The following EML1 variants were observed in gnomAD, a reference collection of about 807,000 sequenced individuals.
EML1 encodes echinoderm microtubule-associated protein-like 1.
A neutral mutation model predicts 110.4 loss-of-function variants in EML1; 27 were observed. That is an observed-to-expected ratio of 0.24 (90% confidence interval 0.18 to 0.34). The LOEUF is 0.34. Among genes scored for constraint, EML1 ranks in the 10% least tolerant of loss-of-function variants. EML1 has a pLI of 1.00. For missense variants in EML1, 741 were observed against 1,030.9 expected, an observed-to-expected ratio of 0.72 and a Z score of 3.85; for synonymous variants, 344 against 385.8, an observed-to-expected ratio of 0.89 and a Z score of 1.27.
chr14:99,908,095 G>C (rs780746004), intron 10 of EML1, among the ~76,000 whole-genome samples: 1 of 152,232 alleles, frequency 6.6e-6, no homozygotes, highest in Non-Finnish European at 1.5e-5. Context: ...GTGCTCAGGC[G>C]TGAGGTGGGC....
intron 1 of EML1, among the ~76,000 whole-genome samples, chr14:99,846,061 AAAAAG>A (rs2058702592): frequency 6.6e-6 from 1 of 151,082 alleles, no homozygotes; most frequent in Non-Finnish European, 1.5e-5. Flanking sequence ...AAAAAAAAAA[AAAAAG>A]AAAAGAAAAA....
rs542781955 is a variant in EML1 at position 99,755,113 on chromosome 14, C to T, written c.28+17253C>T. Among the ~76,000 whole-genome samples the T allele has an allele frequency of 1.2e-3, 176 of 152,394 alleles. 1 individual carries two copies. The highest frequency in any genetic ancestry group is 2.3e-3 in the Non-Finnish European group (156 of 68,042). ...CAGAAGAAAAGTCAGGCGTTGGTGC[C>T]TTATCTTTCCTGGCAAAGCTGGGGC... On this transcript the variant is annotated intron_variant, in intron 1 of 10. Transcript: ENST00000554479.
At chr14:99,891,531 AG>A (rs1333947142) in intron 5 of EML1, among the ~76,000 whole-genome samples, 3 of 152,240 alleles carry the variant, frequency 2.0e-5, no homozygotes, top group African/African-American at 4.8e-5. Flanking sequence ...CTAGATTAAA[AG>A]GTGTCTGTTG....
At chr14:99,762,195 T>C (rs1280041335) in intron 1 of EML1, among the ~76,000 whole-genome samples, 2 of 152,142 alleles carry the variant, frequency 1.3e-5, no homozygotes, top group Non-Finnish European at 2.9e-5. Flanking sequence ...ACAGGGACAA[T>C]AATAGCACCT....
At position 99,850,905 on chromosome 14, in the gene EML1, A is replaced by G; in HGVS notation, c.120A>G (p.Ser40=). 6.2e-7 allele frequency: 1 copy of G among 1,614,164 alleles called. No individual in the cohort carries two copies. Among genetic ancestry groups the G allele is most frequent in the South Asian group, 1.1e-5 (1 of 91,078 alleles). The part of the protein sequence containing the change: ...SSMEVTDRIA[S]LEQRVQMQED... ...TGGAGGTGACAGACCGCATTGCTTC[A>G]CTGGAGCAGAGAGTCCAGATGCAAG... The change falls in exon 2 of 22, where the codon TCA becomes TCG. Residue 40 remains serine, a synonymous_variant. Transcript: ENST00000262233.
At chr14:99,877,331 A>G (rs928218675) in intron 3 of EML1, among the ~76,000 whole-genome samples, 5 of 152,074 alleles carry the variant, frequency 3.3e-5, no homozygotes, top group African/African-American at 1.2e-4. Flanking sequence ...GGGTTTCCAC[A>G]CATGAATTTG....
At chr14:99,753,540 T>C in intron 1 of EML1, among the ~76,000 whole-genome samples, 1 of 151,826 alleles carries the variant, frequency 6.6e-6, no homozygotes, top group Non-Finnish European at 1.5e-5. Context: ...AAAGCCCTCC[T>C]TCACTCCCTC....
chr14:99,803,008 T>C (rs951498534), intron 1 of EML1, among the ~76,000 whole-genome samples: 1 of 151,996 alleles, frequency 6.6e-6, no homozygotes, highest in Non-Finnish European at 1.5e-5. Flanking sequence ...CTATGTGGTA[T>C]TTAGTATAAA....
intron 1 of EML1, among the ~76,000 whole-genome samples, chr14:99,809,292 T>G (rs2058034083): frequency 6.6e-6 from 1 of 152,224 alleles, no homozygotes; most frequent in African/African-American, 2.4e-5. Flanking sequence ...ACTTTGACCT[T>G]GTTCTTCAGG....
intron 1 of EML1, among the ~76,000 whole-genome samples, chr14:99,830,674 C>G (rs1261048381): frequency 6.6e-6 from 1 of 152,110 alleles, no homozygotes; most frequent in African/African-American, 2.4e-5. Flanking sequence ...CCTCAGCCTC[C>G]CAAGTAGCTG....
At chr14:99,748,072 G>T (rs771589307) in intron 1 of EML1, among the ~76,000 whole-genome samples, 2 of 152,190 alleles carry the variant, frequency 1.3e-5, no homozygotes, top group Non-Finnish European at 2.9e-5. Flanking sequence ...TCACTGCCAA[G>T]GCGGAATTCG....
At chr14:99,793,375 G>A, upstream of EML1, 1 of 994,032 alleles carries the variant, frequency 1.0e-6, no homozygotes, top group South Asian at 4.5e-5. Flanking sequence ...AGCAGGGCCG[G>A]CCCCAGCGCC....
intron 8 of EML1, among the ~76,000 whole-genome samples, chr14:99,899,916 G>A (rs547577099): frequency 1.3e-5 from 2 of 152,032 alleles, no homozygotes; most frequent in Non-Finnish European, 2.9e-5. Flanking sequence ...GTGAATGCCC[G>A]CGGACACCCA....
rs912137138 is a variant in EML1 at position 99,936,421 on chromosome 14, C to T, written c.2095+87C>T. The stretch of plus-strand genomic sequence containing the variant: ...AGGGGGCCTCTGTGAGAACCCACCT[C>T]CTGTATGACTTAGGCACGTGCCATC... On this transcript the variant is annotated intron_variant, in intron 19 of 21. Coordinates refer to ENST00000262233, the MANE Select transcript of EML1 (RefSeq NM_004434.3). This position sits in a 1 kb window ranked among gnomAD's most constrained non-coding sequence, Gnocchi z 5.5. 8.1e-7 allele frequency: 1 copy of T among 1,230,056 alleles called. No homozygotes were observed. The highest frequency in any genetic ancestry group is 1.2e-6 in the Non-Finnish European group (1 of 850,958). The allele number at this position is 1,230,056 out of a possible 1,614,324, so 76.2% of individuals were successfully genotyped here. A position where few individuals can be genotyped will look rare whatever the true frequency, so the allele number is the denominator to read the frequency against.
chr14:99,755,516 T>C (rs1454701836), intron 1 of EML1, among the ~76,000 whole-genome samples: 2 of 152,154 alleles, frequency 1.3e-5, no homozygotes, highest in East Asian at 1.9e-4. Flanking sequence ...AAGTGCCTAG[T>C]GCACAGTGGG....
chr14:99,762,849 C>T (rs1297872475), intron 1 of EML1, among the ~76,000 whole-genome samples: 1 of 152,132 alleles, frequency 6.6e-6, no homozygotes, highest in African/African-American at 2.4e-5. Flanking sequence ...AACTGGAACT[C>T]ACACATGTTA....
intron 15 of EML1, chr14:99,915,538 C>T (rs1372547272): frequency 1.3e-5 from 2 of 151,900 alleles, no homozygotes; most frequent in African/African-American, 4.8e-5. Context: ...TGTTTGCATG[C>T]CAAGCACTGT....
chr14:99,745,051 T>C (rs931458388), intron 1 of EML1, among the ~76,000 whole-genome samples: 1 of 152,190 alleles, frequency 6.6e-6, no homozygotes, highest in Non-Finnish European at 1.5e-5. Flanking sequence ...GTCATCAGTT[T>C]AGTAGCTGGT....
chr14:99,777,000 C>T (rs761691937), intron 1 of EML1, among the ~76,000 whole-genome samples: 3 of 152,158 alleles, frequency 2.0e-5, no homozygotes, highest in South Asian at 2.1e-4. Context: ...AAGGCACATA[C>T]AGCTTTAACC....
Sources: allele counts gnomAD v4.1 joint callset (sites outside exome capture counted in the v4.1 genomes callset), GRCh38; gene constraint gnomAD v4.1.1; non-coding constraint Gnocchi (gnomAD v3.1); transcripts MANE v1.5; gene names NCBI Gene and HGNC (gene_info 2026-07-23, HGNC 2026-07-21).